KATNBL1: variants seen among roughly 807,000 people sequenced by gnomAD.
KATNBL1 encodes the protein KATNB1-like protein 1.
A neutral mutation model predicts 44.7 loss-of-function variants in KATNBL1; 28 were observed. That is an observed-to-expected ratio of 0.63 (90% CI 0.46 to 0.86). The LOEUF (loss-of-function observed/expected upper bound fraction) is 0.86. KATNBL1 is among the 40% of genes least tolerant of loss of function. The pLI is 0.00. For missense variants in KATNBL1, 272 were observed against 350.7 expected, an observed-to-expected ratio of 0.78 and a Z score of 1.79; for synonymous variants, 78 against 114.9, an observed-to-expected ratio of 0.68 and a Z score of 2.06.
rs910732212 is a variant in KATNBL1, at chr15:34,210,066, G to T, written c.-130C>A. 40 of 151,648 alleles carry T rather than the reference G, an allele frequency of 2.6e-4. No homozygotes were observed. The highest frequency in any genetic ancestry group is 5.0e-4 in the Non-Finnish European group (34 of 67,794). 9.4% of individuals were successfully genotyped at this position (151,648 alleles called of 1,614,324 possible). A position where few individuals can be genotyped will look rare whatever the true frequency, so the allele number is the denominator to read the frequency against. ...GAGTCCCACTCAGGGCCATTCAAAC[G>T]CGGCCGCGCGCGCGGCCCGCCGGGA... On this transcript the variant is annotated 5_prime_UTR_variant, in exon 1 of 10. Coordinates refer to ENST00000256544, the MANE Select transcript of KATNBL1 (RefSeq NM_024713.3).
chr15:34,172,251 A>G (rs1336160719), intron 1 of KATNBL1, among the ~76,000 whole-genome samples: 2 of 66,066 alleles, frequency 3.0e-5, no homozygotes, highest in South Asian at 1.0e-3. Flanking sequence ...TGGGAGGAAC[A>G]TATTCTTTTT....
intron 1 of KATNBL1, among the ~76,000 whole-genome samples, chr15:34,168,146 A>G (rs1889042008): frequency 6.6e-6 from 1 of 152,238 alleles, no homozygotes; most frequent in South Asian, 2.1e-4. Flanking sequence ...AGACTGGCAA[A>G]TTGGATAAAG....
rs1491367010 is a variant in KATNBL1, at chr15:34,151,435, A to ATTTT, written c.438+1354_438+1355insAAAA. 3.7e-3 allele frequency among the ~76,000 whole-genome samples: 235 copies of ATTTT among 63,804 alleles called. 27 individuals are homozygous for ATTTT. The highest frequency in any genetic ancestry group is 5.8e-3 in the Non-Finnish European group (182 of 31,188). 41.9% of individuals were successfully genotyped at this position (63,804 alleles called of 152,430 possible). ...AAAGTGTCTATTGTGTCCTTTGCCT[A>ATTTT]CTTTTTTTTTTTTTTTTTTTTTTTT... On this transcript the variant is annotated intron_variant, in intron 4 of 9. Transcript: ENST00000256544.
intron 1 of KATNBL1, chr15:34,209,112 A>G (rs1438156689): frequency 6.6e-6 from 1 of 152,240 alleles, no homozygotes; most frequent in African/African-American, 2.4e-5. Context: ...ATTAGTTATT[A>G]GCCAAGTAAA....
At chr15:34,195,703 A>AAAAAAAAAAAAACAAAAAAAAAC (rs1890012603) in intron 1 of KATNBL1, among the ~76,000 whole-genome samples, 1 of 151,674 alleles carries the variant, frequency 6.6e-6, no homozygotes, top group African/African-American at 2.4e-5. Context: ...AAAAAAAAAA[A>AAAAAAAAAAAAACAAAAAAAAAC]ACCCAAAAAA....
At chr15:34,143,916 G>A (rs1220007177) in intron 9 of KATNBL1, among the ~76,000 whole-genome samples, 1 of 124,838 alleles carries the variant, frequency 8.0e-6, no homozygotes, top group African/African-American at 3.0e-5. Flanking sequence ...GTAGTGAGCC[G>A]AGATTGCGCC....
intron 1 of KATNBL1, among the ~76,000 whole-genome samples, chr15:34,179,967 T>C (rs1249602433): frequency 6.6e-6 from 1 of 152,222 alleles, no homozygotes; most frequent in Non-Finnish European, 1.5e-5. Flanking sequence ...ATGGAGGTAA[T>C]ATTTCATAAG....
chr15:34,195,794 C>T (rs975250472), intron 1 of KATNBL1, among the ~76,000 whole-genome samples: 2 of 152,068 alleles, frequency 1.3e-5, no homozygotes, highest in South Asian at 4.2e-4. Context: ...GCAAACCACA[C>T]TGCATTCCTC....
chr15:34,182,107 A>T (rs1405438896), intron 1 of KATNBL1, among the ~76,000 whole-genome samples: 1 of 152,026 alleles, frequency 6.6e-6, no homozygotes, highest in East Asian at 1.9e-4. Flanking sequence ...AAGAGTCTGC[A>T]CTGGAACCCA....
At chr15:34,188,551 G>C (rs1889788654) in intron 1 of KATNBL1, among the ~76,000 whole-genome samples, 1 of 152,008 alleles carries the variant, frequency 6.6e-6, no homozygotes, top group African/African-American at 2.4e-5. Context: ...GCAAGATTCT[G>C]TCTCAAAAAG....
chr15:34,164,971 C>T (rs1394770697), intron 1 of KATNBL1, among the ~76,000 whole-genome samples: 1 of 152,198 alleles, frequency 6.6e-6, no homozygotes, highest in African/African-American at 2.4e-5. Flanking sequence ...TATGAACATA[C>T]ACATGAAATT....
chr15:34,153,983 A>G (rs1888560526), intron 3 of KATNBL1, among the ~76,000 whole-genome samples: 1 of 152,258 alleles, frequency 6.6e-6, no homozygotes, highest in African/African-American at 2.4e-5. Flanking sequence ...GGAATATCTT[A>G]CCCAAAACCC....
rs539904037 is a variant in KATNBL1 at position 34,153,612 on chromosome 15, C to T, written c.159-543G>A. 4.1e-4 allele frequency among the ~76,000 whole-genome samples: 62 copies of T among 151,772 alleles called. 1 individual carries two copies. In the South Asian group the frequency reaches 0.013, roughly 32 times the overall value. ...TTTGAGATGCAGTCTCTCTCTGTTG[C>T]CAGGCTAGTGTGCAGTGGCACAATC... On this transcript the variant is annotated intron_variant, in intron 3 of 9. Coordinates refer to ENST00000256544, the MANE Select transcript of KATNBL1 (RefSeq NM_024713.3).
chr15:34,150,020 A>C (rs1429167768), intron 4 of KATNBL1, among the ~76,000 whole-genome samples: 2 of 152,240 alleles, frequency 1.3e-5, no homozygotes, highest in Non-Finnish European at 2.9e-5. Context: ...CACTTTTGTT[A>C]AAATTAATTT....
chr15:34,142,679 C>T (rs928075509), intron 9 of KATNBL1: 1 of 297,430 alleles, frequency 3.4e-6, no homozygotes, highest in Middle Eastern at 1.1e-3. Flanking sequence ...GTGCTATATT[C>T]ACTTGAGCCC....
chr15:34,147,552 G>A (rs1888347135), intron 5 of KATNBL1, 122 bp from the exon 6 acceptor site: 1 of 618,556 alleles, frequency 1.6e-6, no homozygotes, highest in Non-Finnish European at 2.7e-6. Flanking sequence ...TATCTACAAT[G>A]AGTCATGTCT....
At chr15:34,189,680 A>T (rs1398484099) in intron 1 of KATNBL1, among the ~76,000 whole-genome samples, 2 of 152,200 alleles carry the variant, frequency 1.3e-5, no homozygotes, top group Non-Finnish European at 2.9e-5. Flanking sequence ...GACTATAAAG[A>T]CGGCACAAAG....
chr15:34,173,062 T>G (rs1889220166), intron 1 of KATNBL1, among the ~76,000 whole-genome samples: 1 of 150,514 alleles, frequency 6.6e-6, no homozygotes, highest in Non-Finnish European at 1.5e-5. Context: ...AGTAAAAAAC[T>G]CAACAGAAGT....
chr15:34,191,205 C>T (rs1889864379), intron 1 of KATNBL1, among the ~76,000 whole-genome samples: 1 of 141,632 alleles, frequency 7.1e-6, no homozygotes, highest in Non-Finnish European at 1.6e-5. Flanking sequence ...GGGCTTCTTT[C>T]ACTTAGCATA....
Sources: allele counts gnomAD v4.1 joint callset (sites outside exome capture counted in the v4.1 genomes callset), GRCh38; gene constraint gnomAD v4.1.1; transcripts MANE v1.5; gene names NCBI Gene and HGNC (gene_info 2026-07-23, HGNC 2026-07-21).